ZNF83: variants seen among roughly 807,000 people sequenced by gnomAD.
ZNF83 encodes the protein zinc finger protein 83.
For missense variants in ZNF83, 552 were observed against 629.9 expected, an observed-to-expected ratio of 0.88 and a Z score of 1.32; for synonymous variants, 209 against 213.0, an observed-to-expected ratio of 0.98 and a Z score of 0.17.
intron 1 of ZNF83, among the ~76,000 whole-genome samples, chr19:52,671,183 C>T (rs2054446): frequency 0.78 from 118,931 of 152,030 alleles, 46,847 homozygotes; most frequent in African/African-American, 0.87. Context: ...TTCTTCTTTG[C>T]CATATGTTTT....
chr19:52,648,704 G>T (rs377535801), intron 3 of ZNF83, among the ~76,000 whole-genome samples: 12 of 152,286 alleles, frequency 7.9e-5, no homozygotes, highest in African/African-American at 2.9e-4. Flanking sequence ...ACCACAGTCA[G>T]CTGAAACTGG....
chr19:52,656,654 TCAAGAGATTAAGA>T (rs2061509016), intron 2 of ZNF83, among the ~76,000 whole-genome samples: 1 of 151,910 alleles, frequency 6.6e-6, no homozygotes, highest in South Asian at 2.1e-4. Context: ...GATCACAAAG[TCAAGAGATTAAGA>T]CAAGCTGGGC....
chr19:52,632,560 C>T (rs1267051203), intron 2 of ZNF83, among the ~76,000 whole-genome samples: 4 of 152,224 alleles, frequency 2.6e-5, no homozygotes, highest in South Asian at 2.1e-4. Flanking sequence ...TTTACACTGC[C>T]AGTTTACACT....
chr19:52,648,033 C>T (rs980630267), intron 3 of ZNF83, among the ~76,000 whole-genome samples: 3 of 151,950 alleles, frequency 2.0e-5, no homozygotes, highest in African/African-American at 7.3e-5. Context: ...CCTCCTCTCC[C>T]TCACTCTGAT....
intron 3 of ZNF83, among the ~76,000 whole-genome samples, chr19:52,643,509 G>A (rs1469991898): frequency 6.6e-6 from 1 of 151,956 alleles, no homozygotes; most frequent in Non-Finnish European, 1.5e-5. Context: ...AGGCCATCCT[G>A]GTCAACACAG....
rs761640060 is a variant in ZNF83 at position 52,614,453 on chromosome 19, A to G, written c.112T>C (p.Tyr38His). Residue 38 changes from tyrosine to histidine, a missense_variant, in exon 3 of 3, where the codon TAT becomes CAT. By Grantham distance (83) the Tyr-to-His change is moderately conservative (BLOSUM62 2). Coordinates refer to ENST00000301096, the Ensembl canonical transcript of ZNF83. ...GATTTTTCCATGTGATCATATTTAT[A>G]TATTTTCCCTTCAGCTTGAAATAGC... is the stretch of plus-strand genomic sequence containing the variant. 5.6e-6 allele frequency: 9 copies of G among 1,613,036 alleles called. No individual in the cohort carries two copies. In the South Asian group the frequency reaches 8.8e-5, roughly 16 times the overall value.
chr19:52,661,324 A>G (rs956774556), intron 1 of ZNF83, among the ~76,000 whole-genome samples: 3 of 152,172 alleles, frequency 2.0e-5, no homozygotes, highest in African/African-American at 7.2e-5. Context: ...ATTTTGACCC[A>G]TTTTCAGATC....
At chr19:52,684,819 G>C (rs562470132) in intron 1 of ZNF83, among the ~76,000 whole-genome samples, 179 of 152,310 alleles carry the variant, frequency 1.2e-3, no homozygotes, top group African/African-American at 4.2e-3. Flanking sequence ...GACTGGGGCA[G>C]AGGGAGTCAT....
rs752790749 is a variant in ZNF83 at position 52,613,309 on chromosome 19, T to C, written c.1256A>G (p.His419Arg). ...TTTTTCTCCAGTATGAATTCTCCAA[T>C]GATATGCAAGGTATGAATTTTGACT... Residue 419 changes from histidine (H) to arginine (R), a missense_variant, in exon 3 of 3, where the codon CAT becomes CGT. Coordinates refer to ENST00000301096, the Ensembl canonical transcript of ZNF83. 6 of 1,614,164 alleles carry C rather than the reference T, an allele frequency of 3.7e-6. No individual in the cohort carries two copies. The Admixed American group carries it at 1.0e-4, about 27-fold the overall frequency.
chr19:52,628,121 C>A (rs1256891429), intron 2 of ZNF83, among the ~76,000 whole-genome samples: 3 of 152,170 alleles, frequency 2.0e-5, no homozygotes, highest in Admixed American at 6.5e-5. Flanking sequence ...AGCCCACCTG[C>A]ACCCAGGTGA....
intron 1 of ZNF83, among the ~76,000 whole-genome samples, chr19:52,690,251 A>G (rs1255175281): frequency 6.6e-6 from 1 of 151,776 alleles, no homozygotes; most frequent in Non-Finnish European, 1.5e-5. Flanking sequence ...GCAGAAAGAC[A>G]GGGGATGGGA....
At chr19:52,653,918 T>A (rs329942) in intron 3 of ZNF83, among the ~76,000 whole-genome samples, 373 of 152,230 alleles carry the variant, frequency 2.5e-3, no homozygotes, top group Non-Finnish European at 4.1e-3. Flanking sequence ...TTTTCTCTCA[T>A]GTGTTCTTCC....
At chr19:52,653,366 G>T (rs138553524) in intron 3 of ZNF83, 6 of 1,143,412 alleles carry the variant, frequency 5.2e-6, no homozygotes, top group Admixed American at 1.8e-5. Flanking sequence ...TATGAATCAC[G>T]CTGGAAAACC....
chr19:52,613,314 T>C lies in ZNF83; in HGVS notation c.1251A>G (p.Ala417=), dbSNP rs1205639033. The C allele has an allele frequency of 5.0e-6, 8 of 1,614,032 alleles. No homozygotes were observed. The East Asian group carries it at 8.9e-5, about 18-fold the overall frequency. ...CTCCAGTATGAATTCTCCAATGATATGCAAGGTATGAATTTTGACTGAAGA... is the reference window on the plus strand; with the variant it reads ...CTCCAGTATGAATTCTCCAATGATACGCAAGGTATGAATTTTGACTGAAGA... Residue 417 remains alanine (A), a synonymous_variant, in exon 3 of 3, where the codon GCA becomes GCG. Transcript: ENST00000301096.
At position 52,614,808 on chromosome 19, in the gene ZNF83, T is replaced by C. The variant is rs2060247925; in HGVS notation, c.-233-11A>G. 3 of 1,274,714 alleles carry C rather than the reference T, an allele frequency of 2.4e-6. No homozygotes were observed. Among genetic ancestry groups the C allele is most frequent in the Admixed American group, 7.5e-5 (2 of 26,784 alleles). 79.0% of individuals were successfully genotyped at this position (1,274,714 alleles called of 1,614,324 possible). ...ATTTAGAAAAAATACCTACAAGATA[T>C]AAGGATCCCACAGTTTCCAATTAAT... On this transcript the variant is annotated splice_polypyrimidine_tract_variant and intron_variant, in intron 2 of 2. Transcript: ENST00000301096.
At chr19:52,643,935 A>T (rs1161765740) in intron 3 of ZNF83, among the ~76,000 whole-genome samples, 1 of 152,180 alleles carries the variant, frequency 6.6e-6, no homozygotes, top group Non-Finnish European at 1.5e-5. Flanking sequence ...GGGCAGAGGT[A>T]GTCATGAGAT....
At chr19:52,671,487 C>T (rs1320580897) in intron 1 of ZNF83, among the ~76,000 whole-genome samples, 1 of 151,904 alleles carries the variant, frequency 6.6e-6, no homozygotes, top group South Asian at 2.1e-4. Flanking sequence ...TCTGTCACCC[C>T]GGCTGGAATG....
chr19:52,668,531 C>CT (rs1349279940), intron 1 of ZNF83, among the ~76,000 whole-genome samples: 1 of 152,018 alleles, frequency 6.6e-6, no homozygotes, highest in African/African-American at 2.4e-5. Flanking sequence ...TTAGGGTGTG[C>CT]TTTTTTCTCC....
intron 3 of ZNF83, among the ~76,000 whole-genome samples, chr19:52,648,902 A>G (rs1445527535): frequency 6.6e-6 from 1 of 152,192 alleles, no homozygotes; most frequent in Non-Finnish European, 1.5e-5. Context: ...TAGTCTATGC[A>G]TGGCTGAAGC....
Sources: gnomAD v4.1 joint callset for allele counts (sites outside exome capture counted in the v4.1 genomes callset) on GRCh38, gnomAD v4.1.1 for gene constraint, MANE v1.5 for transcripts, NCBI Gene and HGNC (gene_info 2026-07-23, HGNC 2026-07-21) for gene names.